Variants in GPD1L observed in about 807,000 individuals in gnomAD.
GPD1L encodes the protein glycerol-3-phosphate dehydrogenase 1 like, also known as glycerol-3-phosphate dehydrogenase 1-like protein.
In GPD1L, 17 loss-of-function variants were observed where a neutral mutation model predicts 32.9. That is an observed-to-expected ratio of 0.52 (90% CI 0.35 to 0.78). The LOEUF (loss-of-function observed/expected upper bound fraction) is 0.78, where lower values mean the gene tolerates loss of function less well. Among genes scored for constraint, GPD1L ranks in the 30% least tolerant of loss-of-function variants. GPD1L has a pLI of 0.01. For synonymous variants in GPD1L, 187 were observed against 165.9 expected (o/e 1.13, Z -0.98); for missense variants, 361 against 447.8 (o/e 0.81, Z 1.75).
In GPD1L at chr3:32,119,145, C is replaced by T. The variant is rs557603319; in HGVS notation, c.48-8931C>T. Reference sequence around the variant, plus strand: ...GGGTATATACCCAGAAACAGAATTGCTTGATCATATGTTAGTTCTATTTTT... The same window carrying T: ...GGGTATATACCCAGAAACAGAATTGTTTGATCATATGTTAGTTCTATTTTT... On this transcript the variant is annotated intron_variant, in intron 1 of 7. Coordinates refer to ENST00000282541, the MANE Select transcript of GPD1L (RefSeq NM_015141.4). 2.2e-4 allele frequency among the ~76,000 whole-genome samples: 33 copies of T among 152,288 alleles called. No individual in the cohort carries two copies. The South Asian group carries it at 2.3e-3, about 11-fold the overall frequency.
intron 5 of GPD1L, among the ~76,000 whole-genome samples, chr3:32,150,130 G>A (rs989634408): frequency 1.3e-5 from 2 of 152,108 alleles, no homozygotes; most frequent in African/African-American, 4.8e-5. Context: ...CCAGCCTCCA[G>A]TTGGGCAGTC....
intron 1 of GPD1L, among the ~76,000 whole-genome samples, chr3:32,126,204 AATAAATAAATAAATAC>A (rs1559572375): frequency 6.6e-6 from 1 of 152,188 alleles, no homozygotes; most frequent in South Asian, 2.1e-4. Flanking sequence ...CAATAAATTA[AATAAATAAATAAATAC>A]ATAAATAAAT....
chr3:32,113,583 C>T (rs2062127503), intron 1 of GPD1L, among the ~76,000 whole-genome samples: 1 of 152,130 alleles, frequency 6.6e-6, no homozygotes, highest in Non-Finnish European at 1.5e-5. Context: ...CCTGGGCTCC[C>T]ATAAGGTTAT....
At position 32,166,244 on chromosome 3, in the gene GPD1L, T is replaced by C. The variant is rs1190986117; in HGVS notation, c.*334T>C. The C allele has an allele frequency of 8.3e-6, 3 of 359,770 alleles. No homozygotes were observed. The highest frequency in any genetic ancestry group is 7.6e-5 in the South Asian group (3 of 39,666). The allele number at this position is 359,770 out of a possible 1,614,324, so 22.3% of individuals were successfully genotyped here. A position where few individuals can be genotyped will look rare whatever the true frequency, so the allele number is the denominator to read the frequency against. On this transcript the variant is annotated 3_prime_UTR_variant, in exon 8 of 8. Transcript: ENST00000282541. ...TAAGATTGGAACGATCTCAGCCAAA[T>C]ATTTTAGGTGTAATTCATATGTATT...
At chr3:32,143,174 G>A (rs1363085637) in intron 4 of GPD1L, among the ~76,000 whole-genome samples, 2 of 151,770 alleles carry the variant, frequency 1.3e-5, no homozygotes, top group African/African-American at 4.8e-5. Context: ...TCCTGCCTGG[G>A]TGACAGCAAT....
intron 6 of GPD1L, 140 bp from the exon 7 acceptor site, chr3:32,159,428 C>T (rs372102105): frequency 8.4e-5 from 56 of 669,882 alleles, no homozygotes; most frequent in African/African-American, 7.4e-4. Flanking sequence ...GCCGCAAGTT[C>T]GAGGCCAGCC....
chr3:32,143,629 G>C (rs1159954126), intron 4 of GPD1L, among the ~76,000 whole-genome samples: 3 of 152,044 alleles, frequency 2.0e-5, no homozygotes, highest in African/African-American at 7.2e-5. Flanking sequence ...GATCACTTGG[G>C]CCTAGGAGTT....
chr3:32,117,724 G>A (rs1467839150), intron 1 of GPD1L, among the ~76,000 whole-genome samples: 2 of 152,176 alleles, frequency 1.3e-5, no homozygotes, highest in Non-Finnish European at 2.9e-5. Context: ...AAGCACCATG[G>A]ACAGTTTGGT....
chr3:32,141,015 T>G (rs1317770825), intron 4 of GPD1L, among the ~76,000 whole-genome samples: 1 of 152,258 alleles, frequency 6.6e-6, no homozygotes, highest in Non-Finnish European at 1.5e-5. Context: ...CCGTGTACTA[T>G]ATTAAACGAT....
At chr3:32,162,904 G>A (rs144407499) in intron 7 of GPD1L, among the ~76,000 whole-genome samples, 231 of 152,050 alleles carry the variant, frequency 1.5e-3, no homozygotes, top group African/African-American at 5.2e-3. Context: ...GATTACAGGC[G>A]TGTGCCCCTA....
intron 7 of GPD1L, among the ~76,000 whole-genome samples, chr3:32,161,392 TG>T (rs1161632013): frequency 1.3e-5 from 2 of 152,202 alleles, no homozygotes; most frequent in African/African-American, 2.4e-5. Flanking sequence ...GCCTCTGACA[TG>T]CATGGTTTTC....
Position 32,158,863 on chromosome 3 carries a change from A to G in GPD1L, c.619-13A>G, listed in dbSNP as rs965373652. 2 of 1,613,254 alleles carry G rather than the reference A, an allele frequency of 1.2e-6. No homozygotes were observed. Among genetic ancestry groups the G allele is most frequent in the South Asian group, 2.2e-5 (2 of 90,962 alleles). ...GCTGTAACGGCATCTGGGCTTTGTC[A>G]TCTCCTTTGCAGAACATCGTAGCTG... is the stretch of plus-strand genomic sequence containing the variant. On this transcript the variant is annotated splice_polypyrimidine_tract_variant and intron_variant, in intron 5 of 7. Transcript: ENST00000282541.
intron 5 of GPD1L, among the ~76,000 whole-genome samples, chr3:32,155,056 A>G (rs1225133869): frequency 1.3e-5 from 2 of 152,112 alleles, no homozygotes; most frequent in African/African-American, 2.4e-5. Flanking sequence ...TTACCTCCCA[A>G]GCCTTGGTGT....
rs148464224 is a variant in GPD1L, at chr3:32,159,002, G to C, written c.745G>C (p.Val249Leu). ...TGCCAGGATCTTCTGCAAAGGCCAAGTGTCTACAGCCACCTTCCTAGAGAG... is the reference window on the plus strand; with the variant it reads ...TGCCAGGATCTTCTGCAAAGGCCAACTGTCTACAGCCACCTTCCTAGAGAG... ...AFARIFCKGQ[V>L]STATFLESCG... Residue 249 changes from valine (V) to leucine (L), a missense_variant, in exon 6 of 8, where the codon GTG becomes CTG. Physicochemically the swap from Val to Leu is conservative, Grantham distance 32 (BLOSUM62 1). Coordinates refer to ENST00000282541, the MANE Select transcript of GPD1L (RefSeq NM_015141.4). 56 of 1,613,998 alleles carry C rather than the reference G, an allele frequency of 3.5e-5. No individual in the cohort carries two copies. The highest frequency in any genetic ancestry group is 4.7e-5 in the Non-Finnish European group (55 of 1,180,056).
At chr3:32,137,341 A>G (rs1700677568) in intron 2 of GPD1L, among the ~76,000 whole-genome samples, 1 of 151,888 alleles carries the variant, frequency 6.6e-6, no homozygotes, top group South Asian at 2.1e-4. Context: ...TTGGTGTAGC[A>G]TCATGGTGGC....
intron 2 of GPD1L, among the ~76,000 whole-genome samples, chr3:32,132,725 A>T (rs935780517): frequency 1.3e-5 from 2 of 152,144 alleles, no homozygotes; most frequent in Admixed American, 1.3e-4. Context: ...TGCATTTCTC[A>T]CAAGTTCCCA....
intron 5 of GPD1L, among the ~76,000 whole-genome samples, chr3:32,155,174 CAG>C (rs1256747423): frequency 6.6e-6 from 1 of 152,130 alleles, no homozygotes; most frequent in Non-Finnish European, 1.5e-5. Flanking sequence ...CAGCAAGGCA[CAG>C]GGGACAGAGC....
At chr3:32,124,071 C>T (rs539525659) in intron 1 of GPD1L, among the ~76,000 whole-genome samples, 30 of 152,146 alleles carry the variant, frequency 2.0e-4, no homozygotes, top group Middle Eastern at 6.8e-3. Flanking sequence ...TTCTTTCTTT[C>T]TTTCTTTTTT....
intron 2 of GPD1L, among the ~76,000 whole-genome samples, chr3:32,137,395 T>C (rs1700678902): frequency 6.6e-6 from 1 of 152,246 alleles, no homozygotes; most frequent in Non-Finnish European, 1.5e-5. Flanking sequence ...CGGCATGTGC[T>C]GTCCTCCTTC....
Sources: allele counts gnomAD v4.1 joint callset (sites outside exome capture counted in the v4.1 genomes callset), GRCh38; gene constraint gnomAD v4.1.1; transcripts MANE v1.5; gene names NCBI Gene and HGNC (gene_info 2026-07-23, HGNC 2026-07-21).